Variants in MYEF2 observed in about 807,000 individuals in gnomAD.
MYEF2 encodes the protein myelin gene expression factor 2.
Under a neutral mutation model 75.2 loss-of-function variants are expected in MYEF2, and 37 were observed. That is an observed-to-expected ratio of 0.49 (90% CI 0.38 to 0.65). The LOEUF (loss-of-function observed/expected upper bound fraction) is 0.65. Ranked by LOEUF, MYEF2 falls within the 30% of genes least tolerant of loss-of-function variation. MYEF2 has a pLI of 0.00. For synonymous variants in MYEF2, 195 were observed against 241.6 expected (o/e 0.81, Z 1.79); for missense variants, 634 against 771.4 (o/e 0.82, Z 2.11).
At chr15:48,152,351 G>A in intron 10 of MYEF2, 67 bp from the exon 11 acceptor site, 2 of 1,329,602 alleles carry the variant, frequency 1.5e-6, no homozygotes, top group South Asian at 1.2e-5. Context: ...ATGATATAAT[G>A]CATTATAGCA....
chr15:48,143,344 T>C (rs541202081), intron 16 of MYEF2, among the ~76,000 whole-genome samples: 1 of 152,240 alleles, frequency 6.6e-6, no homozygotes, highest in East Asian at 1.9e-4. Context: ...ATTCCTGAGG[T>C]TAATTTTATA....
At chr15:48,156,587 C>T (rs960455506) in intron 9 of MYEF2, among the ~76,000 whole-genome samples, 16 of 150,998 alleles carry the variant, frequency 1.1e-4, no homozygotes, top group African/African-American at 3.9e-4. Flanking sequence ...CAGTTTTACA[C>T]ATAATTTCTA....
intron 9 of MYEF2, among the ~76,000 whole-genome samples, chr15:48,154,756 G>C (rs953150433): frequency 6.6e-6 from 1 of 151,812 alleles, no homozygotes; most frequent in African/African-American, 2.4e-5. Context: ...TGCTTCAGGG[G>C]AAAAAAATTA....
chr15:48,149,164 T>G lies in MYEF2; in HGVS notation c.1586A>C (p.Asn529Thr), dbSNP rs1387438565. The G allele has an allele frequency of 6.2e-7, 1 of 1,613,250 alleles. No individual in the cohort carries two copies. Among genetic ancestry groups the G allele is most frequent in the Non-Finnish European group, 8.5e-7 (1 of 1,179,446 alleles). The change falls in exon 15 of 17, where the codon AAT (asparagine) becomes ACT (threonine). Residue 529 changes from asparagine (N) to threonine (T), a missense_variant and splice_region_variant. By Grantham distance (65) the Asn-to-Thr change is moderately conservative. Transcript: ENST00000324324. This position sits in a 1 kb window ranked among gnomAD's most constrained non-coding sequence, Gnocchi z 4.0. ...TATCCTTAATATTTATTTGCTTACA[T>G]TTCTGACAAATATCTGGTTGCCTTT... ...GSKGNQIFVR[N>T]LPFDLTWQKL...
At position 48,136,890 on chromosome 15, in the gene MYEF2, T is replaced by C; in HGVS notation, c.*6018A>G. ...TTCGTCGGCAATCAAGAACTGATAG[T>C]GGAATATTTTATGAAGATTCTGGCT... On this transcript the variant is annotated 3_prime_UTR_variant, in exon 17 of 17. Transcript: ENST00000324324. The C allele has an allele frequency of 6.2e-7, 1 of 1,613,824 alleles. No homozygotes were observed.
chr15:48,137,146 A>G lies in MYEF2; in HGVS notation c.*5762T>C, dbSNP rs1386180957. 9 of 608,334 alleles carry G rather than the reference A, an allele frequency of 1.5e-5. No individual in the cohort carries two copies. Among genetic ancestry groups the G allele is most frequent in the Non-Finnish European group, 2.2e-5 (8 of 367,048 alleles). The allele number at this position is 608,334 out of a possible 1,614,324, so 37.7% of individuals were successfully genotyped here. A position where few individuals can be genotyped will look rare whatever the true frequency, so the allele number is the denominator to read the frequency against. Reference sequence around the variant, plus strand: ...ATATCACAGGAAATACAAAATAGCTAAAGTATGAACGTTAAGTACCATAAA... The same window carrying G: ...ATATCACAGGAAATACAAAATAGCTGAAGTATGAACGTTAAGTACCATAAA... On this transcript the variant is annotated 3_prime_UTR_variant, in exon 17 of 17. Transcript: ENST00000324324.
intron 1 of MYEF2, among the ~76,000 whole-genome samples, chr15:48,174,964 A>G (rs752775772): frequency 6.6e-6 from 1 of 152,132 alleles, no homozygotes; most frequent in Non-Finnish European, 1.5e-5. Flanking sequence ...TGAAATCACT[A>G]TCTCAAGGAG....
chr15:48,157,827 T>A, intron 9 of MYEF2, 166 bp downstream of exon 9: 1 of 1,368,490 alleles, frequency 7.3e-7, no homozygotes, highest in Non-Finnish European at 9.4e-7. Flanking sequence ...GTAACACTTA[T>A]CTTCTCAGTC....
chr15:48,178,289 C>T lies in MYEF2; in HGVS notation c.-52G>A, dbSNP rs2040636922. 7.4e-7 allele frequency: 1 copy of T among 1,352,742 alleles called. No individual in the cohort carries two copies. The highest frequency in any genetic ancestry group is 9.5e-7 in the Non-Finnish European group (1 of 1,056,372). The allele number at this position is 1,352,742 out of a possible 1,614,324, so 83.8% of individuals were successfully genotyped here. ...CGCCTGAGCTGAGGGGCTCCGAGCG[C>T]GACAATGGCGGCTGCCGGGGAAGCG... On this transcript the variant is annotated 5_prime_UTR_variant, in exon 1 of 17. Coordinates refer to ENST00000324324, the MANE Select transcript of MYEF2 (RefSeq NM_016132.5).
chr15:48,142,420 A>T lies in MYEF2; in HGVS notation c.*488T>A. On this transcript the variant is annotated 3_prime_UTR_variant, in exon 17 of 17. Coordinates refer to ENST00000324324, the MANE Select transcript of MYEF2 (RefSeq NM_016132.5). ...GGCAGAGAGAAAAATCCATTTCTTC[A>T]TTTAAATCAAATTTTAAAAATCTTG... 1 of 1,162,858 alleles carries T rather than the reference A, an allele frequency of 8.6e-7. No individual in the cohort carries two copies. The highest frequency in any genetic ancestry group is 1.2e-6 in the Non-Finnish European group (1 of 852,676). 72.0% of individuals were successfully genotyped at this position (1,162,858 alleles called of 1,614,324 possible).
chr15:48,177,674 T>C (rs1237827742), intron 1 of MYEF2, among the ~76,000 whole-genome samples: 3 of 146,032 alleles, frequency 2.1e-5, no homozygotes, highest in African/African-American at 7.6e-5. Flanking sequence ...AAATGTCCGA[T>C]GATGTCATCC....
At position 48,139,928 on chromosome 15, in the gene MYEF2, T is replaced by A. The variant is rs1249628593; in HGVS notation, c.*2980A>T. The stretch of plus-strand genomic sequence containing the variant: ...TATCTATGATTGTTTTCACACTACA[T>A]TGGCAAAGCTGAATAACTGCAACAG... On this transcript the variant is annotated 3_prime_UTR_variant, in exon 17 of 17. Coordinates refer to ENST00000324324, the MANE Select transcript of MYEF2 (RefSeq NM_016132.5). 2 of 152,096 alleles carry A rather than the reference T, an allele frequency of 1.3e-5. No individual in the cohort carries two copies. Among genetic ancestry groups the A allele is most frequent in the African/African-American group, 4.8e-5 (2 of 41,434 alleles). The allele number at this position is 152,096 out of a possible 1,614,324, so 9.4% of individuals were successfully genotyped here.
At chr15:48,151,265 G>T in intron 13 of MYEF2, 94 bp from the exon 14 acceptor site, 2 of 1,185,050 alleles carry the variant, frequency 1.7e-6, no homozygotes, top group Non-Finnish European at 2.4e-6. Context: ...TACAATAAAT[G>T]AAAAGCATAA....
Position 48,153,791 on chromosome 15 carries a change from C to T in MYEF2, c.1087+1G>A. The T allele has an allele frequency of 6.2e-7, 1 of 1,611,924 alleles. No homozygotes were observed. The highest frequency in any genetic ancestry group is 8.5e-7 in the Non-Finnish European group (1 of 1,178,454). ...AGAAAAGAGGAAGTTAGAATACTCA[C>T]CACCTGGACCTAAATTTCCCATTAC... On this transcript the variant is annotated splice_donor_variant, in intron 10 of 16. Transcript: ENST00000324324. LOFTEE classifies it high-confidence loss of function.
At position 48,139,279 on chromosome 15, in the gene MYEF2, G is replaced by A. The variant is rs76613407; in HGVS notation, c.*3629C>T. 1.3e-3 allele frequency: 1,218 copies of A among 932,854 alleles called. 15 individuals are homozygous for A. The African/African-American group carries it at 0.019, about 14-fold the overall frequency. 57.8% of individuals were successfully genotyped at this position (932,854 alleles called of 1,614,324 possible). ...TAGCTACACAGCAAATTTCTTTTCA[G>A]CAAGATTGAAGATTAGTACCATTTA... On this transcript the variant is annotated 3_prime_UTR_variant, in exon 17 of 17. Coordinates refer to ENST00000324324, the MANE Select transcript of MYEF2 (RefSeq NM_016132.5).
rs1349930536 is a variant in MYEF2, at chr15:48,149,153, A to G, written c.1587+10T>C. On this transcript the variant is annotated intron_variant, in intron 15 of 16. Coordinates refer to ENST00000324324, the MANE Select transcript of MYEF2 (RefSeq NM_016132.5). The surrounding 1 kb of genome is among the most constrained non-coding windows in gnomAD (Gnocchi z 4.0). ...AGAATTTGAATTATCCTTAATATTTATTTGCTTACATTTCTGACAAATATC... is the reference window on the plus strand; with the variant it reads ...AGAATTTGAATTATCCTTAATATTTGTTTGCTTACATTTCTGACAAATATC... The G allele has an allele frequency of 1.9e-6, 3 of 1,613,060 alleles. No homozygotes were observed. Among genetic ancestry groups the G allele is most frequent in the Non-Finnish European group, 2.5e-6 (3 of 1,179,286 alleles).
Position 48,143,064 on chromosome 15 carries a change from T to G in MYEF2, c.1647A>C (p.Val549=), listed in dbSNP as rs775715972. The G allele has an allele frequency of 6.5e-7, 1 of 1,530,700 alleles. No homozygotes were observed. The highest frequency in any genetic ancestry group is 1.3e-5 in the South Asian group (1 of 75,918). 94.8% of individuals were successfully genotyped at this position (1,530,700 alleles called of 1,614,324 possible). The change falls in exon 17 of 17, where the codon GTA becomes GTC. Residue 549 remains valine (V), a synonymous_variant. Transcript: ENST00000324324. ...TCTCCATTTTTATTTCTGCAAACAT[T>G]ACATGACCTGTAAAATAAAAGTTAC... ...LKEKFSQCGH[V]MFAEIKMENG...
chr15:48,156,042 T>C (rs1001943504), intron 9 of MYEF2, among the ~76,000 whole-genome samples: 2 of 152,100 alleles, frequency 1.3e-5, no homozygotes, highest in Non-Finnish European at 2.9e-5. Flanking sequence ...CCTCCCAAAG[T>C]GCTGGGATTA....
At chr15:48,151,313 G>A in intron 13 of MYEF2, 142 bp from the exon 14 acceptor site, 2 of 996,626 alleles carry the variant, frequency 2.0e-6, no homozygotes, top group South Asian at 3.0e-5. Context: ...GTAAGATGTT[G>A]AAAAAGAGAG....
Sources: gnomAD v4.1 joint callset for allele counts (sites outside exome capture counted in the v4.1 genomes callset) on GRCh38, gnomAD v4.1.1 for gene constraint, Gnocchi (gnomAD v3.1) non-coding constraint, MANE v1.5 for transcripts, NCBI Gene and HGNC (gene_info 2026-07-23, HGNC 2026-07-21) for gene names.